The following PDZK1IP1 variants were observed in gnomAD, a reference collection of about 807,000 sequenced individuals.
PDZK1IP1 encodes PDZK1-interacting protein 1.
Under a neutral mutation model 14.7 loss-of-function variants are expected in PDZK1IP1, and 9 were observed. The ratio of observed to expected loss-of-function variants is 0.61; its 90% CI spans 0.37 to 1.07. The LOEUF (loss-of-function observed/expected upper bound fraction) is 1.07, where lower values mean the gene tolerates loss of function less well. Ranked by LOEUF, PDZK1IP1 falls within the 50% of genes least tolerant of loss-of-function variation. The pLI is 0.01. For missense variants in PDZK1IP1, 152 were observed against 148.7 expected, an observed-to-expected ratio of 1.02 and a Z score of -0.11; for synonymous variants, 70 against 61.2, an observed-to-expected ratio of 1.14 and a Z score of -0.67.
chr1:47,188,887 G>A (rs964591527), intron 1 of PDZK1IP1, among the ~76,000 whole-genome samples: 7 of 152,208 alleles, frequency 4.6e-5, no homozygotes, highest in Non-Finnish European at 8.8e-5. Context: ...TGGGGAGTTA[G>A]GGCTCAACCC....
chr1:47,184,863 A>G lies in PDZK1IP1; in HGVS notation c.272+139T>C, dbSNP rs1330424924. On this transcript the variant is annotated intron_variant, in intron 3 of 3. Transcript: ENST00000294338. ...TTCCCCACAGAGCCCTGCAATCCTC[A>G]CAAAGCCCCCATTGCCTCACTAGCT... The G allele has an allele frequency of 4.4e-6, 3 of 684,972 alleles. No individual in the cohort carries two copies. The East Asian group carries it at 8.2e-5, about 19-fold the overall frequency. 42.4% of individuals were successfully genotyped at this position (684,972 alleles called of 1,614,324 possible). A position where few individuals can be genotyped will look rare whatever the true frequency, so the allele number is the denominator to read the frequency against.
At chr1:47,187,597 C>T (rs1645328642) in intron 1 of PDZK1IP1, among the ~76,000 whole-genome samples, 170 bp from the exon 2 acceptor site, 1 of 152,190 alleles carries the variant, frequency 6.6e-6, no homozygotes, top group Non-Finnish European at 1.5e-5. Context: ...GCCCATCTGA[C>T]CCACTTATGC....
chr1:47,189,298 GC>G (rs1200084339), intron 1 of PDZK1IP1, among the ~76,000 whole-genome samples: 6 of 152,242 alleles, frequency 3.9e-5, no homozygotes, highest in African/African-American at 1.4e-4. Flanking sequence ...CAGGTGCAAA[GC>G]CCTTCTTCAC....
intron 2 of PDZK1IP1, among the ~76,000 whole-genome samples, chr1:47,185,902 C>T (rs771985071): frequency 3.9e-5 from 6 of 152,132 alleles, no homozygotes; most frequent in Non-Finnish European, 8.8e-5. Flanking sequence ...CCCACCCCCT[C>T]ACCACTCTCC....
At position 47,183,604 on chromosome 1, in the gene PDZK1IP1, GGGGC is replaced by G; in HGVS notation, c.*363_*366del. On this transcript the variant is annotated 3_prime_UTR_variant, in exon 4 of 4. Transcript: ENST00000294338. ...AGATGGGGACTCACTGGAAGCCTGA[GGGGC>G]TGTTGCTGAGCCTCAGCCCCAGAAA... 1 of 237,598 alleles carries G rather than the reference GGGGC, an allele frequency of 4.2e-6. No individual in the cohort carries two copies. 14.7% of individuals were successfully genotyped at this position (237,598 alleles called of 1,614,324 possible).
intron 1 of PDZK1IP1, among the ~76,000 whole-genome samples, chr1:47,188,106 C>T (rs1645331091): frequency 6.6e-6 from 1 of 152,170 alleles, no homozygotes; most frequent in Non-Finnish European, 1.5e-5. Context: ...TTTGATTCCC[C>T]CAGCTGGGTG....
At chr1:47,184,901 AGTCTCC>A in intron 3 of PDZK1IP1, 95 bp downstream of exon 3, 2 of 899,692 alleles carry the variant, frequency 2.2e-6, no homozygotes, top group South Asian at 1.4e-5. Flanking sequence ...TGCCCACATG[AGTCTCC>A]GTCCTCCCCA....
Position 47,183,898 on chromosome 1 carries a change from G to T in PDZK1IP1, c.*73C>A. The T allele has an allele frequency of 8.0e-7, 1 of 1,252,374 alleles. No homozygotes were observed. The highest frequency in any genetic ancestry group is 1.5e-5 in the African/African-American group (1 of 67,570). The allele number at this position is 1,252,374 out of a possible 1,614,324, so 77.6% of individuals were successfully genotyped here. Reference sequence around the variant, plus strand: ...ATTGCAGATTCCACACAAAGAAGGAGGGGGCTTGGGTGGTAGCACTGGACA... The same window carrying T: ...ATTGCAGATTCCACACAAAGAAGGATGGGGCTTGGGTGGTAGCACTGGACA... On this transcript the variant is annotated 3_prime_UTR_variant, in exon 4 of 4. Coordinates refer to ENST00000294338, the MANE Select transcript of PDZK1IP1 (RefSeq NM_005764.4).
At chr1:47,189,684 C>T (rs568461196) in intron 1 of PDZK1IP1, among the ~76,000 whole-genome samples, 182 bp downstream of exon 1, 12 of 152,220 alleles carry the variant, frequency 7.9e-5, no homozygotes, top group Non-Finnish European at 1.6e-4. Flanking sequence ...AGTTTTCACT[C>T]GTTGAAAACA....
chr1:47,188,476 A>C (rs1446988463), intron 1 of PDZK1IP1, among the ~76,000 whole-genome samples: 1 of 152,240 alleles, frequency 6.6e-6, no homozygotes, highest in Non-Finnish European at 1.5e-5. Context: ...AGCGGGGAGA[A>C]GTCCCAGGAC....
At chr1:47,184,097 C>A in intron 3 of PDZK1IP1, 54 bp from the exon 4 acceptor site, 1 of 1,322,534 alleles carries the variant, frequency 7.6e-7, no homozygotes, top group East Asian at 2.5e-5. Context: ...ATTCTATCCC[C>A]TTCTCCCTGC....
intron 2 of PDZK1IP1, 74 bp from the exon 3 acceptor site, chr1:47,185,171 G>A: frequency 4.3e-6 from 5 of 1,156,728 alleles, no homozygotes; most frequent in Non-Finnish European, 5.2e-6. Context: ...TCTGGGTCCT[G>A]GTTCTCACAA....
chr1:47,184,517 A>C, intron 3 of PDZK1IP1, among the ~76,000 whole-genome samples: 1 of 13,916 alleles, frequency 7.2e-5, no homozygotes, highest in Non-Finnish European at 1.4e-4. Flanking sequence ...CACTGAATCC[A>C]TCCCCCACTG....
In PDZK1IP1 at chr1:47,185,004, G is replaced by C. The variant is rs1344803237; in HGVS notation, c.270C>G (p.Phe90Leu). ...DGRYSSMAAS[F>L]RSSEHENAYE... The stretch of plus-strand genomic sequence containing the variant: ...GGCAGCCCTGCCCTGCACCTCACCT[G>C]AAACTGGCCGCCATCGAAGAGTACC... The change falls in exon 3 of 4, where the codon TTC becomes TTG. Residue 90 changes from phenylalanine (F) to leucine (L), a missense_variant and splice_region_variant. Physicochemically the swap from Phe to Leu is conservative, Grantham distance 22. Coordinates refer to ENST00000294338, the MANE Select transcript of PDZK1IP1 (RefSeq NM_005764.4). The C allele has an allele frequency of 7.4e-6, 12 of 1,612,298 alleles. No homozygotes were observed. The highest frequency in any genetic ancestry group is 1.0e-5 in the Non-Finnish European group (12 of 1,179,094).
intron 2 of PDZK1IP1, 152 bp downstream of exon 2, chr1:47,187,167 A>C: frequency 1.6e-6 from 1 of 635,938 alleles, no homozygotes; most frequent in Non-Finnish European, 2.8e-6. Context: ...TCACCAACCC[A>C]CCCCATGACC....
rs11552562 is a variant in PDZK1IP1 at position 47,183,777 on chromosome 1, G to A, written c.*194C>T. On this transcript the variant is annotated 3_prime_UTR_variant, in exon 4 of 4. Coordinates refer to ENST00000294338, the MANE Select transcript of PDZK1IP1 (RefSeq NM_005764.4). ...AGCAGGAGACCCCAGGGCCACAGCC[G>A]AGCCCCAACCTAGACACGGTCTGAG... The A allele has an allele frequency of 4.2e-4, 256 of 614,100 alleles. 2 individuals are homozygous for A. The highest frequency in any genetic ancestry group is 4.4e-4 in the Middle Eastern group (1 of 2,292). 38.0% of individuals were successfully genotyped at this position (614,100 alleles called of 1,614,324 possible).
intron 1 of PDZK1IP1, among the ~76,000 whole-genome samples, chr1:47,189,414 G>T (rs1448142843): frequency 6.6e-6 from 1 of 152,212 alleles, no homozygotes; most frequent in African/African-American, 2.4e-5. Flanking sequence ...ATTTGCTCAA[G>T]GTCACACATC....
intron 2 of PDZK1IP1, 139 bp downstream of exon 2, chr1:47,187,180 G>A (rs892502994): frequency 1.6e-6 from 1 of 645,008 alleles, no homozygotes; most frequent in Non-Finnish European, 2.8e-6. Context: ...CCATGACCTT[G>A]AGCCTCAGTT....
At chr1:47,185,568 C>T (rs1270655924) in intron 2 of PDZK1IP1, among the ~76,000 whole-genome samples, 2 of 152,140 alleles carry the variant, frequency 1.3e-5, no homozygotes, top group East Asian at 3.9e-4. Context: ...CCTGAAGCCT[C>T]CCAGAAGCTG....
Sources: gnomAD v4.1 joint callset for allele counts (sites outside exome capture counted in the v4.1 genomes callset) on GRCh38, gnomAD v4.1.1 for gene constraint, MANE v1.5 for transcripts, NCBI Gene and HGNC (gene_info 2026-07-23, HGNC 2026-07-21) for gene names.